PTPN12: variants seen among roughly 807,000 people sequenced by gnomAD.
PTPN12 encodes the protein protein tyrosine phosphatase non-receptor type 12, also known as tyrosine-protein phosphatase non-receptor type 12.
Under a neutral mutation model 97.6 loss-of-function variants are expected in PTPN12, and 29 were observed. The ratio of observed to expected loss-of-function variants is 0.30; its 90% confidence interval spans 0.22 to 0.41. The LOEUF (loss-of-function observed/expected upper bound fraction) is 0.41. Among genes scored for constraint, PTPN12 ranks in the 10% least tolerant of loss-of-function variants. The pLI is 1.00. For missense variants in PTPN12, 819 were observed against 926.0 expected (o/e 0.88, Z 1.50); for synonymous variants, 327 against 300.4 (o/e 1.09, Z -0.91).
chr7:77,537,610 C>T lies in PTPN12; in HGVS notation c.64C>T (p.His22Tyr), dbSNP rs1405426912. Reference sequence around the variant, plus strand: ...GGTCCAGGCCATGAAGAGTCCTGACCACAATGGGGAGGACAACTTCGCCCG... The same window carrying T: ...GGTCCAGGCCATGAAGAGTCCTGACTACAATGGGGAGGACAACTTCGCCCG... ...QRVQAMKSPD[H>Y]NGEDNFARDF... The change falls in exon 1 of 18, where the codon CAC (histidine) becomes TAC (tyrosine). Residue 22 changes from histidine (H) to tyrosine (Y), a missense_variant. Physicochemically the swap from His to Tyr is moderately conservative, Grantham distance 83. Around this residue, in one of 5 missense-constraint regions of PTPN12, gnomAD observed 59 missense variants for 42.2 expected, o/e 1.40. Transcript: ENST00000248594. The T allele has an allele frequency of 6.2e-7, 1 of 1,604,702 alleles. No individual in the cohort carries two copies. Among genetic ancestry groups the T allele is most frequent in the Non-Finnish European group, 8.5e-7 (1 of 1,176,428 alleles).
At chr7:77,610,644 G>C in intron 9 of PTPN12, 121 bp from the exon 10 acceptor site, 1 of 1,001,648 alleles carries the variant, frequency 1.0e-6, no homozygotes, top group Non-Finnish European at 1.5e-6. Context: ...GCATTAAGTG[G>C]TGTTCAATAA....
At chr7:77,583,747 C>A in intron 4 of PTPN12, 97 bp downstream of exon 4, 8 of 730,354 alleles carry the variant, frequency 1.1e-5, no homozygotes, top group South Asian at 5.3e-5. Flanking sequence ...TTTAAAAAAT[C>A]CATAATTATG....
chr7:77,607,921 T>C (rs1788430178), intron 9 of PTPN12, among the ~76,000 whole-genome samples: 1 of 152,090 alleles, frequency 6.6e-6, no homozygotes, highest in Admixed American at 6.5e-5. Flanking sequence ...GCCCAGCTAA[T>C]GTTTTATATT....
At position 77,627,483 on chromosome 7, in the gene PTPN12, C is replaced by G. The variant is rs1789238954; in HGVS notation, c.1804C>G (p.His602Asp). ...RTPLSFTNPLHSDDSDSDERN... is the reference protein window; with the variant it reads ...RTPLSFTNPLDSDDSDSDERN... The stretch of plus-strand genomic sequence containing the variant: ...ACCCCTCAGTTTTACTAATCCACTT[C>G]ACTCTGATGACTCAGACTCAGATGA... Residue 602 changes from histidine (H) to aspartate (D), a missense_variant, in exon 13 of 18, where the codon CAC becomes GAC. Coordinates refer to ENST00000248594, the MANE Select transcript of PTPN12 (RefSeq NM_002835.4). 1.2e-6 allele frequency: 2 copies of G among 1,613,520 alleles called. No homozygotes were observed. Among genetic ancestry groups the G allele is most frequent in the Non-Finnish European group, 1.7e-6 (2 of 1,179,502 alleles).
chr7:77,595,513 C>T (rs1361027681), intron 6 of PTPN12, among the ~76,000 whole-genome samples: 1 of 152,138 alleles, frequency 6.6e-6, no homozygotes, highest in African/African-American at 2.4e-5. Flanking sequence ...CAGCACACTA[C>T]CCATGGCTCA....
chr7:77,579,173 G>A (rs927102184), intron 2 of PTPN12, among the ~76,000 whole-genome samples: 5 of 152,158 alleles, frequency 3.3e-5, no homozygotes, highest in African/African-American at 1.2e-4. Context: ...CCAGGCTGGA[G>A]TGCAGTGGCG....
intron 1 of PTPN12, among the ~76,000 whole-genome samples, chr7:77,558,840 C>G (rs953623663): frequency 6.6e-6 from 1 of 152,136 alleles, no homozygotes; most frequent in African/African-American, 2.4e-5. Flanking sequence ...AAGACCTCAT[C>G]TCTACAAAAC....
chr7:77,592,290 A>C, intron 6 of PTPN12, 34 bp downstream of exon 6: 1 of 1,524,024 alleles, frequency 6.6e-7, no homozygotes, highest in East Asian at 2.3e-5. Flanking sequence ...CTTTTTTCAG[A>C]AAATTGGCAT....
At chr7:77,597,004 C>T (rs1179056278) in intron 6 of PTPN12, among the ~76,000 whole-genome samples, 1 of 121,412 alleles carries the variant, frequency 8.2e-6, no homozygotes, top group Non-Finnish European at 1.7e-5. Context: ...TGTCATTGCT[C>T]TAAAAGTCCT....
chr7:77,564,886 T>C (rs146788111), intron 1 of PTPN12, among the ~76,000 whole-genome samples: 2,782 of 149,192 alleles, frequency 0.019, 34 homozygotes, highest in Middle Eastern at 0.073. Flanking sequence ...GCCTTCCGAG[T>C]AGCTTGGATT....
intron 1 of PTPN12, chr7:77,538,732 T>G (rs533057071): frequency 1.3e-5 from 2 of 151,902 alleles, no homozygotes; most frequent in Non-Finnish European, 2.9e-5. Flanking sequence ...CCCCCGCCCT[T>G]TTTATTTTTC....
chr7:77,541,769 C>T (rs991790013), intron 1 of PTPN12, among the ~76,000 whole-genome samples: 1 of 152,022 alleles, frequency 6.6e-6, no homozygotes, highest in Non-Finnish European at 1.5e-5. Context: ...TATTCCTGGC[C>T]TTGGTTGTGC....
At chr7:77,549,235 T>G (rs1480999366) in intron 1 of PTPN12, among the ~76,000 whole-genome samples, 1 of 151,980 alleles carries the variant, frequency 6.6e-6, no homozygotes, top group African/African-American at 2.4e-5. Flanking sequence ...GTCCAAAGAG[T>G]GTCTAGTAGA....
intron 1 of PTPN12, among the ~76,000 whole-genome samples, chr7:77,548,509 AG>A (rs1264496234): frequency 1.3e-5 from 2 of 152,234 alleles, no homozygotes; most frequent in Non-Finnish European, 2.9e-5. Context: ...TTAGAAATTA[AG>A]GAGCTTGTTA....
chr7:77,554,530 A>G (rs1807615264), intron 1 of PTPN12, among the ~76,000 whole-genome samples: 1 of 152,202 alleles, frequency 6.6e-6, no homozygotes, highest in Admixed American at 6.5e-5. Context: ...AGAAAAATAA[A>G]AGTTTTAATT....
intron 1 of PTPN12, among the ~76,000 whole-genome samples, chr7:77,560,592 C>T (rs148561903): frequency 2.3e-3 from 343 of 152,266 alleles, no homozygotes; most frequent in Middle Eastern, 0.01. Flanking sequence ...TTCTATTACA[C>T]TTTCTGTCTG....
At chr7:77,605,046 A>G (rs930025690) in intron 8 of PTPN12, 27 of 166,792 alleles carry the variant, frequency 1.6e-4, no homozygotes, top group African/African-American at 6.5e-4. Context: ...TTTTAGATAT[A>G]TATAATTTAT....
At chr7:77,595,396 C>G (rs561774519) in intron 6 of PTPN12, among the ~76,000 whole-genome samples, 149 of 152,268 alleles carry the variant, frequency 9.8e-4, no homozygotes, top group African/African-American at 3.5e-3. Context: ...CTAGAGCTCT[C>G]TCTCGATGTG....
intron 1 of PTPN12, among the ~76,000 whole-genome samples, chr7:77,568,066 G>A (rs1808331989): frequency 6.6e-6 from 1 of 152,058 alleles, no homozygotes; most frequent in Non-Finnish European, 1.5e-5. Context: ...GACCACTTTT[G>A]TATCTCTGAT....
Sources: allele counts gnomAD v4.1 joint callset (sites outside exome capture counted in the v4.1 genomes callset), GRCh38; gene constraint gnomAD v4.1.1; regional missense constraint gnomAD v4.1.1; transcripts MANE v1.5; gene names NCBI Gene and HGNC (gene_info 2026-07-23, HGNC 2026-07-21).